The following FUT9 variants were observed in gnomAD, a reference collection of about 807,000 sequenced individuals.
The protein encoded by FUT9 is 4-galactosyl-N-acetylglucosaminide 3-alpha-L-fucosyltransferase 9.
FUT9 carries 15 observed loss-of-function variants against 29.7 expected under a neutral mutation model. That is an observed-to-expected ratio of 0.51 (90% confidence interval 0.34 to 0.78). The LOEUF (loss-of-function observed/expected upper bound fraction) is 0.78. Among genes scored for constraint, FUT9 ranks in the 30% least tolerant of loss-of-function variants. FUT9 has a pLI of 0.01. For missense variants in FUT9, 319 were observed against 425.4 expected, an observed-to-expected ratio of 0.75 and a Z score of 2.20; for synonymous variants, 169 against 153.7, an observed-to-expected ratio of 1.10 and a Z score of -0.74.
At chr6:96,139,258 G>C (rs147505149) in intron 2 of FUT9, among the ~76,000 whole-genome samples, 1 of 152,032 alleles carries the variant, frequency 6.6e-6, no homozygotes, top group African/African-American at 2.4e-5. Context: ...TTAAAGCTTC[G>C]AAAGACCTCC....
intron 2 of FUT9, among the ~76,000 whole-genome samples, chr6:96,127,141 T>C (rs1582251867): frequency 6.6e-6 from 1 of 152,180 alleles, no homozygotes; most frequent in Non-Finnish European, 1.5e-5. Context: ...ACCTAAGTAA[T>C]AAGCAGAGTA....
chr6:96,039,082 A>G (rs1158115022), intron 1 of FUT9, among the ~76,000 whole-genome samples: 1 of 152,124 alleles, frequency 6.6e-6, no homozygotes, highest in Non-Finnish European at 1.5e-5. Flanking sequence ...TTCTGCATTG[A>G]ATAATCTCTA....
At chr6:96,108,375 G>C (rs574183975) in intron 1 of FUT9, among the ~76,000 whole-genome samples, 17 of 152,178 alleles carry the variant, frequency 1.1e-4, no homozygotes, top group African/African-American at 4.1e-4. Context: ...GAATGACCTT[G>C]GACAAATTGC....
chr6:96,114,941 TAAC>T lies in FUT9; in HGVS notation c.-9+819_-9+821del, dbSNP rs1160295696. On this transcript the variant is annotated intron_variant, in intron 2 of 2. Transcript: ENST00000302103. ...TAGGGTGTCAGGAGATGCTGTTCCC[TAAC>T]AACACCTAATACCGTCAGACCTAGA... Among the ~76,000 whole-genome samples, 9 of 152,302 alleles carry T rather than the reference TAAC, an allele frequency of 5.9e-5. No homozygotes were observed. The East Asian group carries it at 1.7e-3, about 29-fold the overall frequency.
At chr6:96,186,928 T>C (rs945355282) in intron 2 of FUT9, among the ~76,000 whole-genome samples, 1 of 152,128 alleles carries the variant, frequency 6.6e-6, no homozygotes, top group Non-Finnish European at 1.5e-5. Flanking sequence ...AGTGCTAATC[T>C]TTTCCAGAAA....
In FUT9 at chr6:96,043,200, C is replaced by T. The variant is rs907831642; in HGVS notation, c.-98+26988C>T. On this transcript the variant is annotated intron_variant, in intron 1 of 2. Coordinates refer to ENST00000302103, the MANE Select transcript of FUT9 (RefSeq NM_006581.4). ...CCGAGTAGCTGGGACTACAGGCGCCCACCACCACGCCCGGCTAATTTTTTG... is the reference window on the plus strand; with the variant it reads ...CCGAGTAGCTGGGACTACAGGCGCCTACCACCACGCCCGGCTAATTTTTTG... 6.6e-5 allele frequency among the ~76,000 whole-genome samples: 10 copies of T among 152,198 alleles called. No individual in the cohort carries two copies. In the South Asian group the frequency reaches 2.1e-3, roughly 32 times the overall value.
intron 1 of FUT9, among the ~76,000 whole-genome samples, chr6:96,102,822 C>T (rs1562125088): frequency 6.6e-6 from 1 of 152,154 alleles, no homozygotes; most frequent in East Asian, 1.9e-4. Context: ...GAAAAGAAAA[C>T]ATCTTCCCAT....
chr6:96,117,346 G>T (rs961647385), intron 2 of FUT9, among the ~76,000 whole-genome samples: 1 of 152,196 alleles, frequency 6.6e-6, no homozygotes, highest in Non-Finnish European at 1.5e-5. Flanking sequence ...TGCGTTGCTA[G>T]ATGAGAGATG....
At chr6:96,127,641 C>A (rs1772158039) in intron 2 of FUT9, among the ~76,000 whole-genome samples, 3 of 152,158 alleles carry the variant, frequency 2.0e-5, no homozygotes, top group African/African-American at 7.2e-5. Flanking sequence ...AACTAATTTA[C>A]ATTTCCATCA....
At chr6:96,172,144 A>T (rs1258133854) in intron 2 of FUT9, among the ~76,000 whole-genome samples, 4 of 152,056 alleles carry the variant, frequency 2.6e-5, no homozygotes, top group African/African-American at 9.7e-5. Flanking sequence ...AGTTCCTGGG[A>T]TCCTTATCAC....
intron 2 of FUT9, among the ~76,000 whole-genome samples, chr6:96,132,429 C>T (rs1472375979): frequency 6.6e-6 from 1 of 152,018 alleles, no homozygotes; most frequent in Non-Finnish European, 1.5e-5. Flanking sequence ...TTAGTCATTA[C>T]TGTGTGTAAG....
intron 1 of FUT9, among the ~76,000 whole-genome samples, chr6:96,082,450 C>A (rs1307153470): frequency 6.6e-6 from 1 of 151,732 alleles, no homozygotes; most frequent in African/African-American, 2.4e-5. Flanking sequence ...AGATTCCATA[C>A]ATGAGTGGGT....
chr6:96,169,583 G>C (rs1183992699), intron 2 of FUT9, among the ~76,000 whole-genome samples: 1 of 152,062 alleles, frequency 6.6e-6, no homozygotes, highest in Admixed American at 6.6e-5. Context: ...TATCTCTCAG[G>C]AAAAAGTTTT....
intron 2 of FUT9, among the ~76,000 whole-genome samples, chr6:96,138,483 CTT>C (rs58250483): frequency 0.016 from 2,200 of 141,850 alleles, 40 homozygotes; most frequent in East Asian, 0.1. Flanking sequence ...GTGTTCCTTG[CTT>C]TTTTTTTTTT....
intron 2 of FUT9, among the ~76,000 whole-genome samples, chr6:96,157,487 C>G (rs920421768): frequency 6.6e-6 from 1 of 152,034 alleles, no homozygotes; most frequent in Non-Finnish European, 1.5e-5. Flanking sequence ...GAACAATACT[C>G]CTGGATTTGG....
intron 1 of FUT9, among the ~76,000 whole-genome samples, chr6:96,020,071 T>C (rs1310256525): frequency 2.0e-5 from 3 of 152,214 alleles, no homozygotes; most frequent in South Asian, 4.1e-4. Context: ...TAACACACCA[T>C]AGTTAAAGGT....
At chr6:96,021,601 G>C (rs1422042061) in intron 1 of FUT9, among the ~76,000 whole-genome samples, 2 of 151,940 alleles carry the variant, frequency 1.3e-5, no homozygotes, top group Non-Finnish European at 2.9e-5. Context: ...AAAGGTATTT[G>C]TAATTATCTA....
intron 2 of FUT9, among the ~76,000 whole-genome samples, chr6:96,192,214 A>T (rs1562159383): frequency 6.6e-6 from 1 of 152,198 alleles, no homozygotes. Flanking sequence ...GCAATCAGGC[A>T]GGAGAAAGAA....
At chr6:96,118,764 C>G (rs551950661) in intron 2 of FUT9, among the ~76,000 whole-genome samples, 2 of 152,046 alleles carry the variant, frequency 1.3e-5, no homozygotes, top group South Asian at 4.2e-4. Flanking sequence ...CTGAAGACCT[C>G]CCAGTGAGAC....
Sources: allele counts gnomAD v4.1 joint callset (sites outside exome capture counted in the v4.1 genomes callset), GRCh38; gene constraint gnomAD v4.1.1; transcripts MANE v1.5; gene names NCBI Gene and HGNC (gene_info 2026-07-23, HGNC 2026-07-21).